The following RAB10 variants were observed in gnomAD, a reference collection of about 807,000 sequenced individuals.
RAB10 encodes ras-related protein Rab-10.
RAB10 carries 5 observed loss-of-function variants against 25.7 expected under a neutral mutation model. The observed-to-expected ratio is 0.19, with a 90% CI of 0.10 to 0.41. The LOEUF is 0.41. Ranked by LOEUF, RAB10 falls within the 10% of genes least tolerant of loss-of-function variation. The pLI, the probability that RAB10 is intolerant of heterozygous loss-of-function variation, is 1.00. For missense variants in RAB10, 103 were observed against 245.8 expected, an observed-to-expected ratio of 0.42 and a Z score of 3.89; for synonymous variants, 89 against 86.4, an observed-to-expected ratio of 1.03 and a Z score of -0.16.
At chr2:26,123,390 G>A (rs1424361556) in intron 3 of RAB10, among the ~76,000 whole-genome samples, 1 of 152,128 alleles carries the variant, frequency 6.6e-6, no homozygotes, top group African/African-American at 2.4e-5. Flanking sequence ...AGAACATCAT[G>A]AAAATCTGGA....
chr2:26,070,559 A>G (rs764824020), intron 1 of RAB10, among the ~76,000 whole-genome samples: 1 of 152,288 alleles, frequency 6.6e-6, no homozygotes, highest in South Asian at 2.1e-4. Flanking sequence ...AGGGCAAGCT[A>G]TGTAGGTAAC....
At chr2:26,090,479 T>C (rs1387033595) in intron 1 of RAB10, among the ~76,000 whole-genome samples, 1 of 144,428 alleles carries the variant, frequency 6.9e-6, no homozygotes, top group Admixed American at 7.2e-5. Context: ...TAGAAGTAGA[T>C]TCTTTTAGTT....
At chr2:26,124,478 C>G (rs1447169173) in intron 3 of RAB10, among the ~76,000 whole-genome samples, 1 of 128,444 alleles carries the variant, frequency 7.8e-6, no homozygotes, top group East Asian at 2.6e-4. Flanking sequence ...ATAGTTCACT[C>G]CAGCCTTGAG....
At chr2:26,106,854 C>T (rs1323930862) in intron 2 of RAB10, among the ~76,000 whole-genome samples, 56 of 152,126 alleles carry the variant, frequency 3.7e-4, no homozygotes, top group Admixed American at 3.5e-3. Flanking sequence ...CACTGCACTC[C>T]AGCCTGGGCG....
chr2:26,042,495 A>G (rs1195046299), intron 1 of RAB10, among the ~76,000 whole-genome samples: 2 of 152,048 alleles, frequency 1.3e-5, no homozygotes, highest in African/African-American at 4.8e-5. Context: ...TTAAATAAAA[A>G]ATTAGCTGGG....
At chr2:26,096,016 C>T (rs1306096304) in intron 1 of RAB10, among the ~76,000 whole-genome samples, 5 of 152,298 alleles carry the variant, frequency 3.3e-5, no homozygotes, top group South Asian at 2.1e-4. Context: ...TTTTCAGTTC[C>T]GTCTTTATTT....
chr2:26,078,515 T>C (rs1298626250), intron 1 of RAB10, among the ~76,000 whole-genome samples: 6 of 152,170 alleles, frequency 3.9e-5, no homozygotes, highest in Non-Finnish European at 7.3e-5. Flanking sequence ...AAACTTTAGA[T>C]TTCTGGTCAG....
At position 26,109,858 on chromosome 2, in the gene RAB10, T is replaced by C. The variant is rs1308500513; in HGVS notation, c.279T>C (p.Asn93=). The C allele has an allele frequency of 1.9e-6, 3 of 1,610,114 alleles. No individual in the cohort carries two copies. The highest frequency in any genetic ancestry group is 1.3e-5 in the African/African-American group (1 of 74,600). ...TCATGCTAGTATATGACATCACCAATGGTAAAAGTTTTGAAAACATCAGCA... is the reference window on the plus strand; with the variant it reads ...TCATGCTAGTATATGACATCACCAACGGTAAAAGTTTTGAAAACATCAGCA... The part of the protein sequence containing the change: ...MGIMLVYDIT[N]GKSFENISKW... The change falls in exon 3 of 6, where the codon AAT becomes AAC. Residue 93 remains asparagine (N), a synonymous_variant. Transcript: ENST00000264710.
intron 5 of RAB10, among the ~76,000 whole-genome samples, chr2:26,128,762 A>G (rs867755993): frequency 6.6e-6 from 1 of 152,150 alleles, no homozygotes; most frequent in African/African-American, 2.4e-5. Flanking sequence ...TGAAAATGTG[A>G]TCTTGGGGAA....
chr2:26,121,470 C>T (rs1296810334), intron 3 of RAB10, among the ~76,000 whole-genome samples: 2 of 152,116 alleles, frequency 1.3e-5, no homozygotes, highest in Non-Finnish European at 2.9e-5. Flanking sequence ...AGGTGTGTGC[C>T]ACCACACCCA....
chr2:26,050,391 A>G (rs1263972139), intron 1 of RAB10, among the ~76,000 whole-genome samples: 1 of 152,140 alleles, frequency 6.6e-6, no homozygotes, highest in Non-Finnish European at 1.5e-5. Context: ...ATAGTAGCCT[A>G]GTTTATCTTT....
At chr2:26,065,551 A>G (rs1035230319) in intron 1 of RAB10, among the ~76,000 whole-genome samples, 3 of 152,132 alleles carry the variant, frequency 2.0e-5, no homozygotes, top group African/African-American at 7.2e-5. Flanking sequence ...AATATTTCCA[A>G]CTGATTAGAA....
chr2:26,041,989 T>G (rs1665899875), intron 1 of RAB10, among the ~76,000 whole-genome samples: 1 of 152,194 alleles, frequency 6.6e-6, no homozygotes, highest in Admixed American at 6.5e-5. Context: ...TGAGAAGATT[T>G]CAGTGGTTGA....
chr2:26,035,557 G>A (rs1436549291), intron 1 of RAB10, among the ~76,000 whole-genome samples: 3 of 152,148 alleles, frequency 2.0e-5, no homozygotes, highest in Non-Finnish European at 4.4e-5. Context: ...TTCCCGTTTA[G>A]GAAAGGAAAA....
At chr2:26,109,491 T>C (rs1006816316) in intron 2 of RAB10, among the ~76,000 whole-genome samples, 4 of 152,218 alleles carry the variant, frequency 2.6e-5, no homozygotes, top group African/African-American at 9.6e-5. Context: ...AAATCCTACC[T>C]GCTTTTGTGT....
At chr2:26,134,053 T>C (rs1299660395) in intron 5 of RAB10, among the ~76,000 whole-genome samples, 3 of 152,218 alleles carry the variant, frequency 2.0e-5, no homozygotes, top group Non-Finnish European at 4.4e-5. Context: ...ACCATAATTT[T>C]ACCACCTAAG....
chr2:26,123,888 G>C lies in RAB10; in HGVS notation c.328-3256G>C, dbSNP rs549753382. Among the ~76,000 whole-genome samples the C allele has an allele frequency of 1.7e-4, 26 of 152,210 alleles. No individual in the cohort carries two copies. In the South Asian group the frequency reaches 2.5e-3, roughly 15 times the overall value. ...CAATGTTTTTCCGTAAAGTTAAACT[G>C]AGTGTGCCTGCCTCCCCTTCCACCT... is the stretch of plus-strand genomic sequence containing the variant. On this transcript the variant is annotated intron_variant, in intron 3 of 5. Coordinates refer to ENST00000264710, the MANE Select transcript of RAB10 (RefSeq NM_016131.5).
rs573841410 is a variant in RAB10, at chr2:26,038,075, G to A, written c.127+3340G>A. Among the ~76,000 whole-genome samples, 75 of 151,600 alleles carry A rather than the reference G, an allele frequency of 4.9e-4. 2 individuals carry two copies. The South Asian group carries it at 0.012, about 25-fold the overall frequency. ...CTAATTTTGTATTTTTAATAGAGACGGGGTTTCACCATGTTGGCCAGGCTG... is the reference window on the plus strand; with the variant it reads ...CTAATTTTGTATTTTTAATAGAGACAGGGTTTCACCATGTTGGCCAGGCTG... On this transcript the variant is annotated intron_variant, in intron 1 of 5. Coordinates refer to ENST00000264710, the MANE Select transcript of RAB10 (RefSeq NM_016131.5).
chr2:26,082,702 A>G (rs1666894545), intron 1 of RAB10, among the ~76,000 whole-genome samples: 1 of 152,178 alleles, frequency 6.6e-6, no homozygotes, highest in Non-Finnish European at 1.5e-5. Context: ...AACAATATGA[A>G]TCTTAAACTC....
Sources: allele counts gnomAD v4.1 joint callset (sites outside exome capture counted in the v4.1 genomes callset), GRCh38; gene constraint gnomAD v4.1.1; transcripts MANE v1.5; gene names NCBI Gene and HGNC (gene_info 2026-07-23, HGNC 2026-07-21).